The following SLC41A3 variants were observed in gnomAD, a reference collection of about 807,000 sequenced individuals.
The protein encoded by SLC41A3 is solute carrier family 41 member 3.
In SLC41A3, 44 loss-of-function variants were observed where a neutral mutation model predicts 45.4. The observed-to-expected ratio is 0.97, with a 90% confidence interval of 0.76 to 1.25. The LOEUF (loss-of-function observed/expected upper bound fraction) is 1.25, where lower values mean the gene tolerates loss of function less well. Among genes scored for constraint, SLC41A3 ranks in the 50% most tolerant of loss-of-function variants. The pLI is 0.00. For synonymous variants in SLC41A3, 256 were observed against 252.4 expected, an observed-to-expected ratio of 1.01 and a Z score of -0.13; for missense variants, 550 against 600.6, an observed-to-expected ratio of 0.92 and a Z score of 0.88.
chr3:126,007,118 C>A lies in SLC41A3; in HGVS notation c.1362G>T (p.Leu454=). 1 of 1,614,226 alleles carries A rather than the reference C, an allele frequency of 6.2e-7. No individual in the cohort carries two copies. The change falls in exon 11 of 11, where the codon CTG becomes CTT. Residue 454 remains leucine, a synonymous_variant. Coordinates refer to ENST00000360370, the MANE Select transcript of SLC41A3 (RefSeq NM_017836.4). ...AGAGTGCCAGGAGGCCAGTACCGAG[C>A]AGGTCCCCCAGCCCTGTAAGGTAGG... is the stretch of plus-strand genomic sequence containing the variant. ...CIPYLTGLGD[L]LGTGLLALCF...
upstream of SLC41A3, among the ~76,000 whole-genome samples, chr3:126,089,092 C>T (rs1945443859): frequency 6.6e-6 from 1 of 152,170 alleles, no homozygotes. Context: ...AGCCATATAA[C>T]TGGATTTAGG....
chr3:126,063,809 A>C (rs1440156480), intron 2 of SLC41A3, among the ~76,000 whole-genome samples: 1 of 152,110 alleles, frequency 6.6e-6, no homozygotes, highest in Non-Finnish European at 1.5e-5. Context: ...TGGAGCCTCT[A>C]CTTCCTGGGT....
chr3:126,015,466 ACCACATGGGAACCCTTCAAATACGT>A lies in SLC41A3; in HGVS notation c.970+3_970+27del. The A allele has an allele frequency of 6.2e-7, 1 of 1,611,696 alleles. No homozygotes were observed. The highest frequency in any genetic ancestry group is 8.5e-7 in the Non-Finnish European group (1 of 1,177,998). ...TCCTGTGGGCCTACCCAACCCAGGG[ACCACATGGGAACCCTTCAAATACGT>A]ACCACATATGACGGGGGTAAATATC... On this transcript the variant is annotated splice_donor_5th_base_variant and intron_variant, in intron 8 of 10. Transcript: ENST00000360370.
At chr3:126,025,304 C>T (rs879386) in intron 5 of SLC41A3, 51,697 of 151,792 alleles carry the variant, frequency 0.34, 9,732 homozygotes, top group African/African-American at 0.51. Context: ...TCCCGTGTGT[C>T]GCAGATACAC....
chr3:126,083,660 G>A (rs1278734173), intron 1 of SLC41A3, among the ~76,000 whole-genome samples: 1 of 152,018 alleles, frequency 6.6e-6, no homozygotes, highest in Non-Finnish European at 1.5e-5. Flanking sequence ...ATCCAACCAG[G>A]AGCCGTGCCC....
At chr3:126,010,019 G>GT (rs1469401533) in intron 9 of SLC41A3, among the ~76,000 whole-genome samples, 1 of 152,194 alleles carries the variant, frequency 6.6e-6, no homozygotes, top group Non-Finnish European at 1.5e-5. Flanking sequence ...TAAAACAAAC[G>GT]TAAGCAGATT....
intron 1 of SLC41A3, among the ~76,000 whole-genome samples, chr3:126,077,051 G>A (rs536448803): frequency 8.5e-5 from 13 of 152,184 alleles, no homozygotes; most frequent in African/African-American, 2.7e-4. Context: ...AAAGTGACAT[G>A]TGTTAATAAA....
chr3:126,042,573 G>T (rs190299979), intron 3 of SLC41A3, among the ~76,000 whole-genome samples: 2 of 152,256 alleles, frequency 1.3e-5, no homozygotes, highest in East Asian at 3.9e-4. Flanking sequence ...TGACCCTAAA[G>T]AAAGTCTTTG....
chr3:126,006,418 T>C lies in SLC41A3; in HGVS notation c.*598A>G, dbSNP rs774373385. The C allele has an allele frequency of 9.3e-6, 15 of 1,606,790 alleles. No homozygotes were observed. The highest frequency in any genetic ancestry group is 1.7e-5 in the Admixed American group (1 of 58,984). On this transcript the variant is annotated 3_prime_UTR_variant, in exon 11 of 11. Transcript: ENST00000360370. Reference sequence around the variant, plus strand: ...CTGATTATTGAAATCTAAATAGAGGTTTTTGCTAACAAACAAAAAGGAAAA... The same window carrying C: ...CTGATTATTGAAATCTAAATAGAGGCTTTTGCTAACAAACAAAAAGGAAAA...
At chr3:126,045,044 C>CA (rs140555918) in intron 3 of SLC41A3, among the ~76,000 whole-genome samples, 1 of 148,586 alleles carries the variant, frequency 6.7e-6, no homozygotes, top group African/African-American at 2.5e-5. Flanking sequence ...CCAGTGGGTC[C>CA]AAAAAAAAAT....
rs573590333 is a variant in SLC41A3 at position 126,063,906 on chromosome 3, C to T, written c.273+4041G>A. On this transcript the variant is annotated intron_variant, in intron 2 of 10. Coordinates refer to ENST00000360370, the MANE Select transcript of SLC41A3 (RefSeq NM_017836.4). ...GTGACAGGTGGCAAGGTGACCTCCA[C>T]TGGGTGTCACCACTGTCACAGGCAC... 2.0e-5 allele frequency among the ~76,000 whole-genome samples: 3 copies of T among 148,592 alleles called. No individual in the cohort carries two copies. In the East Asian group the frequency reaches 6.1e-4, roughly 30 times the overall value.
intron 5 of SLC41A3, chr3:126,023,193 A>T: frequency 2.4e-6 from 1 of 423,092 alleles, no homozygotes; most frequent in East Asian, 3.9e-5. Context: ...CATGATGCTA[A>T]GGAGTGACCC....
At chr3:126,079,305 C>CAA (rs2108083141) in intron 1 of SLC41A3, among the ~76,000 whole-genome samples, 1 of 137,264 alleles carries the variant, frequency 7.3e-6, no homozygotes, top group South Asian at 2.3e-4. Context: ...CACACACACA[C>CAA]AATAGAAAGC....
intron 1 of SLC41A3, among the ~76,000 whole-genome samples, chr3:126,072,700 A>T (rs13100420): frequency 0.24 from 35,928 of 152,178 alleles, 4,600 homozygotes; most frequent in Non-Finnish European, 0.28. Flanking sequence ...CATTGTGGAA[A>T]GCAGTGGAGG....
At chr3:126,058,976 T>C (rs911843393) in intron 2 of SLC41A3, among the ~76,000 whole-genome samples, 2 of 151,884 alleles carry the variant, frequency 1.3e-5, no homozygotes, top group African/African-American at 4.8e-5. Flanking sequence ...ATTCCCAACG[T>C]ACTCTCTGAA....
At chr3:126,057,399 C>G (rs1164691294) in intron 2 of SLC41A3, among the ~76,000 whole-genome samples, 1 of 152,210 alleles carries the variant, frequency 6.6e-6, no homozygotes, top group Non-Finnish European at 1.5e-5. Flanking sequence ...ACCTCTGACT[C>G]CTGGGGTTCT....
chr3:126,070,387 G>A (rs926669553), intron 1 of SLC41A3: 1 of 152,250 alleles, frequency 6.6e-6, no homozygotes, highest in African/African-American at 2.4e-5. Flanking sequence ...GATCTAGGTT[G>A]TGTGCTCCTT....
At position 126,022,832 on chromosome 3, in the gene SLC41A3, T is replaced by C. The variant is rs1941013055; in HGVS notation, c.699A>G (p.Thr233=). The change falls in exon 6 of 11, where the codon ACA becomes ACG. Residue 233 remains threonine, a synonymous_variant. Transcript: ENST00000360370. The part of the protein sequence containing the change: ...PIAASLGDLI[T]LSILALVSSF... ...TGCTAACCAAAGCCAGAATGGACAG[T>C]GTGATGAGGTCTCCCAGGCTGGCTG... 1.9e-6 allele frequency: 3 copies of C among 1,614,148 alleles called. No homozygotes were observed. Among genetic ancestry groups the C allele is most frequent in the Non-Finnish European group, 2.5e-6 (3 of 1,180,026 alleles).
intron 1 of SLC41A3, among the ~76,000 whole-genome samples, chr3:126,072,833 A>G (rs1017116958): frequency 4.6e-5 from 7 of 152,222 alleles, no homozygotes; most frequent in African/African-American, 1.7e-4. Context: ...TGTTCATCGC[A>G]GCACTATTCA....
Sources: allele counts gnomAD v4.1 joint callset (sites outside exome capture counted in the v4.1 genomes callset), GRCh38; gene constraint gnomAD v4.1.1; transcripts MANE v1.5; gene names NCBI Gene and HGNC (gene_info 2026-07-23, HGNC 2026-07-21).